The following PCDH9 variants were observed in gnomAD, a reference collection of about 807,000 sequenced individuals.
PCDH9 encodes the protein protocadherin-9.
PCDH9 carries 24 observed loss-of-function variants against 70.6 expected under a neutral mutation model. The observed-to-expected ratio is 0.34, with a 90% confidence interval of 0.25 to 0.48. The LOEUF (loss-of-function observed/expected upper bound fraction) is 0.48, where lower values mean the gene tolerates loss of function less well. PCDH9 is among the 20% of genes least tolerant of loss of function. The pLI is 0.99. For missense variants in PCDH9, 1,281 were observed against 1,503.6 expected (o/e 0.85, Z 2.45); for synonymous variants, 562 against 558.5 (o/e 1.01, Z -0.09).
chr13:67,078,691 T>G (rs1192030032), intron 2 of PCDH9, among the ~76,000 whole-genome samples: 8 of 152,162 alleles, frequency 5.3e-5, no homozygotes, highest in Non-Finnish European at 1.5e-5. Context: ...GAAACAATAT[T>G]CCATGACCCC....
intron 3 of PCDH9, among the ~76,000 whole-genome samples, chr13:66,687,013 T>C (rs552685991): frequency 2.6e-5 from 4 of 152,292 alleles, no homozygotes; most frequent in Admixed American, 2.6e-4. Context: ...CATTTCGATT[T>C]ACCTTATAAA....
At chr13:66,934,256 G>T (rs1027471685) in intron 2 of PCDH9, among the ~76,000 whole-genome samples, 1 of 152,104 alleles carries the variant, frequency 6.6e-6, no homozygotes, top group Non-Finnish European at 1.5e-5. Flanking sequence ...ACTTGCCCGG[G>T]TGCGGTGACT....
At chr13:66,402,218 A>G (rs566736284) in intron 4 of PCDH9, among the ~76,000 whole-genome samples, 72 of 152,300 alleles carry the variant, frequency 4.7e-4, no homozygotes, top group African/African-American at 1.5e-3. Context: ...TAAAGGTGAC[A>G]GAGTAGAAGG....
At chr13:66,818,382 G>A (rs2080646153) in intron 3 of PCDH9, among the ~76,000 whole-genome samples, 1 of 152,102 alleles carries the variant, frequency 6.6e-6, no homozygotes, top group Non-Finnish European at 1.5e-5. Context: ...TTTTTCAGGA[G>A]AGAAGGATTT....
chr13:67,149,053 T>A (rs1263734161), intron 2 of PCDH9, among the ~76,000 whole-genome samples: 4 of 152,196 alleles, frequency 2.6e-5, no homozygotes, highest in Non-Finnish European at 5.9e-5. Context: ...ATGCTCAAAT[T>A]TGAGCTCTCA....
chr13:66,342,358 A>C (rs1956141746), intron 4 of PCDH9, among the ~76,000 whole-genome samples: 1 of 152,238 alleles, frequency 6.6e-6, no homozygotes, highest in Non-Finnish European at 1.5e-5. Context: ...AAATAGCTAA[A>C]TGCGTTTTAC....
At chr13:67,019,486 C>T (rs1410309040) in intron 2 of PCDH9, among the ~76,000 whole-genome samples, 4 of 151,810 alleles carry the variant, frequency 2.6e-5, no homozygotes, top group Admixed American at 6.6e-5. Flanking sequence ...TGAGCCACCA[C>T]GCTGGCCCAC....
intron 4 of PCDH9, among the ~76,000 whole-genome samples, chr13:66,409,087 A>G (rs981587401): frequency 2.6e-5 from 4 of 152,098 alleles, no homozygotes; most frequent in Admixed American, 2.6e-4. Flanking sequence ...AATAAGGAGG[A>G]CTATGTGTGG....
intron 2 of PCDH9, among the ~76,000 whole-genome samples, chr13:67,048,843 C>A (rs2085271024): frequency 6.6e-6 from 1 of 152,162 alleles, no homozygotes; most frequent in African/African-American, 2.4e-5. Flanking sequence ...AGAATTAAAT[C>A]TACTGCTGGG....
At position 66,631,254 on chromosome 13, in the gene PCDH9, G is replaced by A. The variant is rs145894829; in HGVS notation, c.3296C>T (p.Pro1099Leu). Residue 1099 changes from proline (P) to leucine (L), a missense_variant, in exon 4 of 5, where the codon CCG becomes CTG. Pro to Leu is a moderately conservative substitution (Grantham distance 98). This residue lies in a region of PCDH9 where 264 missense variants were observed against 278.8 expected (regional missense o/e 0.95). Transcript: ENST00000377865. ...GCCATCTGCTTCAGTCCTCTTGTCC[G>A]GAGAGGCCTGGTCATAGAATTCGTC... ...PQDEFYDQAS[P>L]DKRTEADGNS... is the part of the protein sequence containing the mutation. 1,268 of 1,610,122 alleles carry A rather than the reference G, an allele frequency of 7.9e-4. 4 individuals carry two copies. Among genetic ancestry groups the A allele is most frequent in the South Asian group, 5.9e-3 (533 of 91,024 alleles).
At chr13:66,499,610 A>C (rs891949905) in intron 4 of PCDH9, among the ~76,000 whole-genome samples, 3 of 152,214 alleles carry the variant, frequency 2.0e-5, no homozygotes, top group Non-Finnish European at 4.4e-5. Flanking sequence ...AATAGTTATT[A>C]ATCATTTCCT....
At chr13:66,339,781 G>T (rs1030514612) in intron 4 of PCDH9, among the ~76,000 whole-genome samples, 1 of 152,010 alleles carries the variant, frequency 6.6e-6, no homozygotes. Context: ...ACACTTTGGA[G>T]GCACTTTTTA....
At chr13:66,472,775 A>G (rs74703945) in intron 4 of PCDH9, among the ~76,000 whole-genome samples, 21,092 of 152,106 alleles carry the variant, frequency 0.14, 1,582 homozygotes, top group Middle Eastern at 0.21. Context: ...TTTATTTTAG[A>G]ATCTTCTAAA....
Position 67,227,496 on chromosome 13 carries a change from C to G in PCDH9, c.945G>C (p.Gln315His). The G allele has an allele frequency of 6.2e-7, 1 of 1,613,864 alleles. No individual in the cohort carries two copies. Among genetic ancestry groups the G allele is most frequent in the Non-Finnish European group, 8.5e-7 (1 of 1,179,834 alleles). Reference sequence around the variant, plus strand: ...CTGTCTCCTCTCTATCTAAGGACCTCTGAACTGTAATCAGCCCAGTAGTAT... The same window carrying G: ...CTGTCTCCTCTCTATCTAAGGACCTGTGAACTGTAATCAGCCCAGTAGTAT... ...LNNTTGLITV[Q>H]RSLDREETAI... Residue 315 changes from glutamine to histidine, a missense_variant, in exon 2 of 5, where the codon CAG (glutamine) becomes CAC (histidine). Around this residue, in one of 4 missense-constraint regions of PCDH9, gnomAD observed 798 missense variants for 1,003.1 expected, o/e 0.80. Transcript: ENST00000377865. This position sits in a 1 kb window ranked among gnomAD's most constrained non-coding sequence, Gnocchi z 4.6.
At chr13:66,954,630 TG>T (rs1344447747) in intron 2 of PCDH9, among the ~76,000 whole-genome samples, 1 of 152,212 alleles carries the variant, frequency 6.6e-6, no homozygotes, top group Non-Finnish European at 1.5e-5. Flanking sequence ...TGTACACTAC[TG>T]CAGGTCTCAG....
At chr13:66,836,112 T>C (rs2081013142) in intron 3 of PCDH9, among the ~76,000 whole-genome samples, 2 of 152,178 alleles carry the variant, frequency 1.3e-5, no homozygotes, top group Non-Finnish European at 2.9e-5. Flanking sequence ...GAAAAACATT[T>C]AGTCACATGG....
intron 3 of PCDH9, among the ~76,000 whole-genome samples, chr13:66,733,307 T>C (rs1207542245): frequency 6.6e-6 from 1 of 152,170 alleles, no homozygotes; most frequent in African/African-American, 2.4e-5. Flanking sequence ...CTTACTGTTT[T>C]ATTAGGTGTA....
At chr13:66,964,047 T>C (rs553522469) in intron 2 of PCDH9, among the ~76,000 whole-genome samples, 1 of 152,230 alleles carries the variant, frequency 6.6e-6, no homozygotes, top group African/African-American at 2.4e-5. Context: ...TAGATCTATG[T>C]GGATAATTTA....
intron 3 of PCDH9, among the ~76,000 whole-genome samples, chr13:66,865,116 T>A (rs1327588533): frequency 6.6e-6 from 1 of 152,214 alleles, no homozygotes; most frequent in East Asian, 1.9e-4. Context: ...TAAAATAAAG[T>A]TTTATTCTTT....
Sources: gnomAD v4.1 joint callset for allele counts (sites outside exome capture counted in the v4.1 genomes callset) on GRCh38, gnomAD v4.1.1 for gene constraint, gnomAD v4.1.1 regional missense constraint, Gnocchi (gnomAD v3.1) non-coding constraint, MANE v1.5 for transcripts, NCBI Gene and HGNC (gene_info 2026-07-23, HGNC 2026-07-21) for gene names.